Variants in FRMD6 observed in about 807,000 individuals in gnomAD.
The protein encoded by FRMD6 is FERM domain containing 6.
In FRMD6, 37 loss-of-function variants were observed where a neutral mutation model predicts 73.2. The observed-to-expected ratio is 0.51, with a 90% CI of 0.39 to 0.66. FRMD6 has a LOEUF of 0.66. FRMD6 is among the 30% of genes least tolerant of loss of function. The pLI is 0.00. For missense variants in FRMD6, 714 were observed against 780.5 expected, an observed-to-expected ratio of 0.91 and a Z score of 1.02; for synonymous variants, 273 against 282.2, an observed-to-expected ratio of 0.97 and a Z score of 0.33.
chr14:51,522,780 G>C (rs988183897), intron 1 of FRMD6: 1 of 152,174 alleles, frequency 6.6e-6, no homozygotes, highest in African/African-American at 2.4e-5. Context: ...AGAGGAGTCA[G>C]ACCTAAAAGA....
chr14:51,467,544 G>A, the FRMD6 span, among the ~76,000 whole-genome samples: 4 of 151,914 alleles, frequency 2.6e-5, no homozygotes, highest in East Asian at 2.0e-4. Flanking sequence ...AGGGGCGGCC[G>A]GGCAGAGGCG....
intron 1 of FRMD6, 50 bp downstream of exon 1, chr14:51,652,046 C>G (rs953994234): frequency 1.3e-5 from 2 of 152,106 alleles, no homozygotes; most frequent in Admixed American, 1.3e-4. Flanking sequence ...CCCCATCGCT[C>G]AGCCGCCGCG....
intron 1 of FRMD6, among the ~76,000 whole-genome samples, chr14:51,678,909 A>G (rs940079599): frequency 6.6e-6 from 1 of 152,164 alleles, no homozygotes; most frequent in Non-Finnish European, 1.5e-5. Flanking sequence ...TCAAAAGCAT[A>G]GAAGTATGAA....
At chr14:51,427,072 G>T in the FRMD6 span, among the ~76,000 whole-genome samples, 1 of 152,172 alleles carries the variant, frequency 6.6e-6, no homozygotes, top group South Asian at 2.1e-4. Context: ...AAATGGTAAA[G>T]TTAAAATAAT....
Position 51,651,987 on chromosome 14 carries a change from T to C in FRMD6, c.-156T>C, listed in dbSNP as rs1038522382. 3.3e-5 allele frequency: 5 copies of C among 152,066 alleles called. No individual in the cohort carries two copies. Among genetic ancestry groups the C allele is most frequent in the African/African-American group, 9.7e-5 (4 of 41,396 alleles). 9.4% of individuals were successfully genotyped at this position (152,066 alleles called of 1,614,324 possible). Reference sequence around the variant, plus strand: ...GAGCCCAACGCCTGGTGCTCAAGACTTTCTCCGAGGTATGAACAAGAACCA... The same window carrying C: ...GAGCCCAACGCCTGGTGCTCAAGACCTTCTCCGAGGTATGAACAAGAACCA... On this transcript the variant is annotated 5_prime_UTR_variant, in exon 1 of 14. Coordinates refer to ENST00000344768, the MANE Select transcript of FRMD6 (RefSeq NM_001267046.2).
At chr14:51,584,990 A>T (rs1349746051) in intron 2 of FRMD6, among the ~76,000 whole-genome samples, 1 of 152,224 alleles carries the variant, frequency 6.6e-6, no homozygotes, top group African/African-American at 2.4e-5. Context: ...ATGAGTTAAT[A>T]CACATAAAGC....
At chr14:51,521,287 A>G (rs1884942151) in intron 1 of FRMD6, among the ~76,000 whole-genome samples, 1 of 152,260 alleles carries the variant, frequency 6.6e-6, no homozygotes. Flanking sequence ...CTGACATGAA[A>G]GAACATATAT....
At chr14:51,632,630 A>G (rs1339381323) in intron 2 of FRMD6, among the ~76,000 whole-genome samples, 2 of 152,114 alleles carry the variant, frequency 1.3e-5, no homozygotes, top group Admixed American at 6.6e-5. Flanking sequence ...TCTCCATCTC[A>G]CACCCATCCT....
intron 1 of FRMD6, chr14:51,652,289 G>C (rs1392921905): frequency 6.6e-6 from 1 of 152,604 alleles, no homozygotes; most frequent in Non-Finnish European, 1.5e-5. Flanking sequence ...GGGCAGCCGA[G>C]CCCGGCAGCG....
chr14:51,468,314 G>A, the FRMD6 span, among the ~76,000 whole-genome samples: 7 of 144,618 alleles, frequency 4.8e-5, no homozygotes, highest in Admixed American at 3.4e-4. Context: ...AGGGGGAGGG[G>A]GAGGGAGAGG....
chr14:51,470,254 C>T, the FRMD6 span, among the ~76,000 whole-genome samples: 1 of 152,106 alleles, frequency 6.6e-6, no homozygotes, highest in Non-Finnish European at 1.5e-5. Context: ...CATGGTGGCT[C>T]ACGCCTCTAA....
intron 2 of FRMD6, among the ~76,000 whole-genome samples, chr14:51,639,891 A>T (rs1230085710): frequency 6.6e-6 from 1 of 152,232 alleles, no homozygotes. Context: ...GGATGCCTGT[A>T]TATCCTGTTC....
intron 2 of FRMD6, among the ~76,000 whole-genome samples, chr14:51,573,034 C>G (rs1300543587): frequency 1.3e-5 from 2 of 152,176 alleles, no homozygotes; most frequent in Non-Finnish European, 2.9e-5. Flanking sequence ...CAAAAATCAT[C>G]TGAGAGAAGG....
the FRMD6 span, among the ~76,000 whole-genome samples, chr14:51,415,887 T>G: frequency 3.3e-5 from 5 of 152,178 alleles, no homozygotes; most frequent in Non-Finnish European, 1.5e-5. Context: ...CTTGGGAGAG[T>G]GTACGTGTCT....
chr14:51,697,120 T>C (rs934188424), intron 2 of FRMD6, among the ~76,000 whole-genome samples: 2 of 152,120 alleles, frequency 1.3e-5, no homozygotes, highest in African/African-American at 2.4e-5. Context: ...CCTCAAAATA[T>C]TAAACATAGT....
the FRMD6 span, among the ~76,000 whole-genome samples, chr14:51,417,324 G>T: frequency 6.6e-6 from 1 of 152,172 alleles, no homozygotes; most frequent in South Asian, 2.1e-4. Context: ...TGCTTCCTCA[G>T]GAGCTCTTTT....
chr14:51,629,607 A>G (rs1326734549), intron 2 of FRMD6, among the ~76,000 whole-genome samples: 1 of 152,240 alleles, frequency 6.6e-6, no homozygotes, highest in Non-Finnish European at 1.5e-5. Flanking sequence ...TTCAATTTGT[A>G]ACAGACCCTT....
chr14:51,704,948 T>C lies in FRMD6; in HGVS notation c.558+13T>C. The C allele has an allele frequency of 6.3e-7, 1 of 1,589,270 alleles. No individual in the cohort carries two copies. Among genetic ancestry groups the C allele is most frequent in the Non-Finnish European group, 8.6e-7 (1 of 1,162,262 alleles). ...CTTCCCATCTTGGGTAAGCACTGTTTTCAAATTCGAAAGAGTGTTTTCTCT... is the reference window on the plus strand; with the variant it reads ...CTTCCCATCTTGGGTAAGCACTGTTCTCAAATTCGAAAGAGTGTTTTCTCT... On this transcript the variant is annotated intron_variant, in intron 6 of 13. Coordinates refer to ENST00000344768, the MANE Select transcript of FRMD6 (RefSeq NM_001267046.2).
chr14:51,699,627 G>C (rs187665995), intron 3 of FRMD6, among the ~76,000 whole-genome samples: 1 of 151,932 alleles, frequency 6.6e-6, no homozygotes, highest in African/African-American at 2.4e-5. Context: ...CAGTTTTTTC[G>C]CGTCAAATGG....
Sources: allele counts gnomAD v4.1 joint callset (sites outside exome capture counted in the v4.1 genomes callset), GRCh38; gene constraint gnomAD v4.1.1; transcripts MANE v1.5; gene names NCBI Gene and HGNC (gene_info 2026-07-23, HGNC 2026-07-21).